Variants in DOCK3 observed in about 807,000 individuals in gnomAD.
DOCK3 encodes dedicator of cytokinesis 3.
Under a neutral mutation model 265.6 loss-of-function variants are expected in DOCK3, and 60 were observed. The observed-to-expected ratio is 0.23, with a 90% CI of 0.18 to 0.28. The LOEUF is 0.28. Among genes scored for constraint, DOCK3 ranks in the 10% least tolerant of loss-of-function variants. The probability of loss-of-function intolerance (pLI) is 1.00; values close to 1 mark genes in which losing one functional copy is unlikely to be tolerated. For synonymous variants in DOCK3, 881 were observed against 938.0 expected (o/e 0.94, Z 1.11); for missense variants, 1,981 against 2,594.3 (o/e 0.76, Z 5.14).
chr3:51,287,971 T>C (rs2081504826), intron 27 of DOCK3, among the ~76,000 whole-genome samples: 1 of 152,200 alleles, frequency 6.6e-6, no homozygotes, highest in Non-Finnish European at 1.5e-5. Flanking sequence ...AAGAACGAGA[T>C]CATGTCCTTT....
chr3:50,985,397 G>A (rs1043822468), intron 5 of DOCK3, among the ~76,000 whole-genome samples: 4 of 152,120 alleles, frequency 2.6e-5, no homozygotes, highest in Non-Finnish European at 4.4e-5. Context: ...CTATGGATAT[G>A]TCATGTGAAT....
intron 2 of DOCK3, among the ~76,000 whole-genome samples, chr3:50,834,667 A>G (rs2045399167): frequency 6.6e-6 from 1 of 152,216 alleles, no homozygotes; most frequent in Non-Finnish European, 1.5e-5. Context: ...CAAATATCAA[A>G]GTTTTTAGAC....
Position 50,699,140 on chromosome 3 carries a change from G to GT in DOCK3, c.37+23846dup, listed in dbSNP as rs551861137. ...CTTCATTCTTTTGTATGTGGATATT[G>GT]TTTTTTCAGCACCATTTGTTGAAGA... On this transcript the variant is annotated intron_variant, in intron 1 of 52. Coordinates refer to ENST00000266037, the MANE Select transcript of DOCK3 (RefSeq NM_004947.5). 3.6e-3 allele frequency among the ~76,000 whole-genome samples: 548 copies of GT among 152,234 alleles called. 5 individuals are homozygous for GT. Among genetic ancestry groups the GT allele is most frequent in the Non-Finnish European group, 3.2e-3 (218 of 68,000 alleles).
In DOCK3 at chr3:51,281,274, AATATATATATAT is replaced by A. The variant is rs56084027; in HGVS notation, c.2922+1091_2922+1102del. 2.6e-3 allele frequency among the ~76,000 whole-genome samples: 323 copies of A among 125,678 alleles called. 3 individuals carry two copies. Among genetic ancestry groups the A allele is most frequent in the Admixed American group, 4.2e-3 (56 of 13,392 alleles). The allele number at this position is 125,678 out of a possible 152,430, so 82.4% of individuals were successfully genotyped here. ...ACACTAACGATAGCTGATGAGCTAA[AATATATATATAT>A]ATATATATATATATATATATCTCAT... On this transcript the variant is annotated intron_variant, in intron 27 of 52. Transcript: ENST00000266037.
intron 1 of DOCK3, among the ~76,000 whole-genome samples, chr3:50,756,057 G>T (rs1422580581): frequency 6.6e-6 from 1 of 152,178 alleles, no homozygotes; most frequent in Admixed American, 6.5e-5. Flanking sequence ...TGGACTTGAG[G>T]TTTTATTTGC....
chr3:50,828,404 T>C (rs936992058), intron 2 of DOCK3, among the ~76,000 whole-genome samples: 3 of 152,122 alleles, frequency 2.0e-5, no homozygotes, highest in African/African-American at 7.2e-5. Flanking sequence ...TACCCTTTTC[T>C]TTTCTTTTTT....
intron 3 of DOCK3, among the ~76,000 whole-genome samples, chr3:50,870,015 G>T (rs756148323): frequency 7.2e-5 from 11 of 152,054 alleles, no homozygotes; most frequent in African/African-American, 2.4e-4. Flanking sequence ...TTAAAATATT[G>T]TAAGAGTTGT....
chr3:50,943,628 G>A (rs1294656904), intron 5 of DOCK3, among the ~76,000 whole-genome samples: 2 of 151,966 alleles, frequency 1.3e-5, no homozygotes, highest in African/African-American at 2.4e-5. Context: ...TAATTGTTAT[G>A]AAAAATAAAA....
Position 51,016,960 on chromosome 3 carries a change from T to TTATATATAATATATATATTA in DOCK3, c.316-47480_316-47479insATATATATATTATATATATA, listed in dbSNP as rs1553734356. ...ATATATGTTATATATAATATATATA[T>TTATATATAATATATATATTA]TATATATATATAAATAAATGGTAAA... On this transcript the variant is annotated intron_variant, in intron 5 of 52. Coordinates refer to ENST00000266037, the MANE Select transcript of DOCK3 (RefSeq NM_004947.5). Among the ~76,000 whole-genome samples, 56 of 106,886 alleles carry TTATATATAATATATATATTA rather than the reference T, an allele frequency of 5.2e-4. No homozygotes were observed. In the East Asian group the frequency reaches 7.3e-3, roughly 14 times the overall value. 70.1% of individuals were successfully genotyped at this position (106,886 alleles called of 152,430 possible). A position where few individuals can be genotyped will look rare whatever the true frequency, so the allele number is the denominator to read the frequency against.
chr3:51,160,691 T>G lies in DOCK3; in HGVS notation c.1026T>G (p.Leu342=). 6.2e-7 allele frequency: 1 copy of G among 1,612,174 alleles called. No individual in the cohort carries two copies. Among genetic ancestry groups the G allele is most frequent in the East Asian group, 2.2e-5 (1 of 44,874 alleles). ...TAAAGGAAGAAAAGGATTTTGTTCT[T>G]AAGGTTTACACGTGAGTAATGGACA... ...TEVKEEKDFV[L]KVYTCNNESE... The change falls in exon 12 of 53, where the codon CTT becomes CTG. Residue 342 remains leucine, a synonymous_variant. Coordinates refer to ENST00000266037, the MANE Select transcript of DOCK3 (RefSeq NM_004947.5).
intron 5 of DOCK3, among the ~76,000 whole-genome samples, chr3:50,960,861 GAGATA>G (rs2108385862): frequency 6.6e-6 from 1 of 152,204 alleles, no homozygotes; most frequent in East Asian, 1.9e-4. Flanking sequence ...GTGGTGGTGT[GAGATA>G]AAAATCTAAA....
intron 5 of DOCK3, among the ~76,000 whole-genome samples, chr3:51,005,484 C>G (rs1049938693): frequency 1.3e-5 from 2 of 152,164 alleles, no homozygotes; most frequent in African/African-American, 2.4e-5. Context: ...ACACTTTTAA[C>G]TAAACTTTAT....
intron 9 of DOCK3, among the ~76,000 whole-genome samples, chr3:51,119,740 T>C (rs994498369): frequency 2.6e-5 from 4 of 151,916 alleles, no homozygotes; most frequent in Admixed American, 6.6e-5. Flanking sequence ...TCCTTTCTTC[T>C]GCTTGATCAG....
chr3:50,782,360 G>A (rs1279009487), intron 2 of DOCK3, among the ~76,000 whole-genome samples: 2 of 134,752 alleles, frequency 1.5e-5, no homozygotes, highest in Admixed American at 8.4e-5. Context: ...GCGCGATCTC[G>A]GCTCACTGCA....
intron 5 of DOCK3, among the ~76,000 whole-genome samples, chr3:51,016,547 TTATATATATCATATATTA>T (rs1559944054): frequency 6.3e-5 from 1 of 15,830 alleles, no homozygotes; most frequent in Non-Finnish European, 8.7e-5. Context: ...ATATATATAT[TTATATATATCATATATTA>T]TATATATATT....
At chr3:51,375,857 TC>T (rs769439793) in intron 51 of DOCK3, 22 bp downstream of exon 51, 2 of 1,613,010 alleles carry the variant, frequency 1.2e-6, no homozygotes, top group Non-Finnish European at 1.7e-6. Flanking sequence ...CAGGTGGCCT[TC>T]CCCCCATGTC....
chr3:50,786,981 G>A, intron 2 of DOCK3: 2 of 742,296 alleles, frequency 2.7e-6, no homozygotes, highest in South Asian at 1.4e-5. Flanking sequence ...GCAACCATGT[G>A]TTTTCGCACA....
At chr3:51,176,553 G>A (rs936570781) in intron 12 of DOCK3, among the ~76,000 whole-genome samples, 1 of 152,218 alleles carries the variant, frequency 6.6e-6, no homozygotes, top group Admixed American at 6.5e-5. Flanking sequence ...ATGAACTCAG[G>A]AGGCGGAGCT....
chr3:50,872,853 A>G (rs2047498885), intron 3 of DOCK3, among the ~76,000 whole-genome samples: 1 of 152,070 alleles, frequency 6.6e-6, no homozygotes, highest in Non-Finnish European at 1.5e-5. Flanking sequence ...CTGCCAGACT[A>G]CCACCAATAT....
Sources: allele counts gnomAD v4.1 joint callset (sites outside exome capture counted in the v4.1 genomes callset), GRCh38; gene constraint gnomAD v4.1.1; transcripts MANE v1.5; gene names NCBI Gene and HGNC (gene_info 2026-07-23, HGNC 2026-07-21).